ZCWPW2: variants seen among roughly 807,000 people sequenced by gnomAD.
ZCWPW2 encodes the protein zinc finger CW-type and PWWP domain containing 2, also known as zinc finger CW-type PWWP domain protein 2.
A neutral mutation model predicts 46.6 loss-of-function variants in ZCWPW2; 45 were observed. The observed-to-expected ratio is 0.96, with a 90% CI of 0.76 to 1.24. The LOEUF is 1.24. ZCWPW2 is among the 50% of genes most tolerant of loss of function. The pLI, the probability that ZCWPW2 is intolerant of heterozygous loss-of-function variation, is 0.00. For missense variants in ZCWPW2, 429 were observed against 403.9 expected, an observed-to-expected ratio of 1.06 and a Z score of -0.53; for synonymous variants, 152 against 137.1, an observed-to-expected ratio of 1.11 and a Z score of -0.76.
chr3:28,429,817 C>T (rs1422326117), intron 3 of ZCWPW2, among the ~76,000 whole-genome samples: 2 of 152,166 alleles, frequency 1.3e-5, no homozygotes, highest in African/African-American at 4.8e-5. Context: ...TCAAAGGGTA[C>T]AAGCCCCAAG....
At chr3:28,382,716 CTT>C (rs1266062624) in intron 1 of ZCWPW2, among the ~76,000 whole-genome samples, 2 of 152,080 alleles carry the variant, frequency 1.3e-5, no homozygotes, top group African/African-American at 4.8e-5. Context: ...GATACTGAGT[CTT>C]TGATAGGAAA....
intron 1 of ZCWPW2, among the ~76,000 whole-genome samples, chr3:28,387,910 A>G (rs1695335374): frequency 6.6e-6 from 1 of 152,140 alleles, no homozygotes; most frequent in Non-Finnish European, 1.5e-5. Flanking sequence ...TACCTTCTTC[A>G]TTAGTCAGGG....
At chr3:28,412,721 T>C (rs1229352597) in intron 2 of ZCWPW2, among the ~76,000 whole-genome samples, 1 of 152,064 alleles carries the variant, frequency 6.6e-6, no homozygotes. Flanking sequence ...GGCTTAGCTG[T>C]TATCATGGGA....
Position 28,432,007 on chromosome 3 carries a change from C to G in ZCWPW2, c.333-3103C>G, listed in dbSNP as rs146049502. Among the ~76,000 whole-genome samples the G allele has an allele frequency of 6.8e-3, 1,041 of 152,256 alleles. 10 individuals carry two copies. Among genetic ancestry groups the G allele is most frequent in the African/African-American group, 0.023 (944 of 41,542 alleles). On this transcript the variant is annotated intron_variant, in intron 3 of 9. Transcript: ENST00000383768. ...AAAGCCCCTTATAAAAGCATCAGAT[C>G]TCATGAGAACTCACTCACTATCACA...
At chr3:28,423,796 C>G (rs1312854108) in intron 3 of ZCWPW2, among the ~76,000 whole-genome samples, 1 of 152,082 alleles carries the variant, frequency 6.6e-6, no homozygotes, top group Non-Finnish European at 1.5e-5. Context: ...ACTTGCTGCA[C>G]TTTCCAGTAA....
At chr3:28,466,431 C>T (rs781676142) in intron 4 of ZCWPW2, among the ~76,000 whole-genome samples, 2 of 152,118 alleles carry the variant, frequency 1.3e-5, no homozygotes, top group Non-Finnish European at 2.9e-5. Flanking sequence ...ATAAATAATA[C>T]ACTGGTGTAA....
intron 1 of ZCWPW2, among the ~76,000 whole-genome samples, chr3:28,372,115 T>A (rs1705355689): frequency 6.6e-6 from 1 of 152,062 alleles, no homozygotes; most frequent in Non-Finnish European, 1.5e-5. Flanking sequence ...ATCTTGTTCT[T>A]GGCAGAATGG....
intron 1 of ZCWPW2, among the ~76,000 whole-genome samples, chr3:28,362,424 A>G (rs1437733657): frequency 6.6e-6 from 1 of 152,182 alleles, no homozygotes; most frequent in Non-Finnish European, 1.5e-5. Flanking sequence ...AAGGGCATGA[A>G]CAGACACTTT....
At chr3:28,355,032 G>T (rs997112675) in intron 1 of ZCWPW2, among the ~76,000 whole-genome samples, 1 of 150,484 alleles carries the variant, frequency 6.6e-6, no homozygotes, top group African/African-American at 2.5e-5. Flanking sequence ...GAAATAAAGG[G>T]TATTCAATTA....
At chr3:28,514,012 A>C (rs1435667418) in intron 6 of ZCWPW2, 52 bp from the exon 7 acceptor site, 1 of 1,397,326 alleles carries the variant, frequency 7.2e-7, no homozygotes, top group East Asian at 2.7e-5. Context: ...TATTTTACTG[A>C]GCTGATTTAG....
chr3:28,421,215 C>T (rs539961915), intron 3 of ZCWPW2, among the ~76,000 whole-genome samples: 2 of 152,160 alleles, frequency 1.3e-5, no homozygotes, highest in South Asian at 4.2e-4. Flanking sequence ...AGTTCAAGCT[C>T]CCCACTCACA....
intron 1 of ZCWPW2, among the ~76,000 whole-genome samples, chr3:28,351,827 A>T (rs1293350921): frequency 6.6e-6 from 1 of 152,020 alleles, no homozygotes. Flanking sequence ...TGTCAATACC[A>T]CTAAATTGAA....
At chr3:28,449,248 C>T (rs1698132439) in intron 4 of ZCWPW2, among the ~76,000 whole-genome samples, 1 of 152,066 alleles carries the variant, frequency 6.6e-6, no homozygotes, top group African/African-American at 2.4e-5. Context: ...CATAACAGAT[C>T]AAAGACCTAA....
At chr3:28,492,072 T>A in intron 5 of ZCWPW2, 55 bp from the exon 6 acceptor site, 1 of 1,530,076 alleles carries the variant, frequency 6.5e-7, no homozygotes, top group East Asian at 2.3e-5. Context: ...TCAGTATTTA[T>A]TTGAACAGGA....
At chr3:28,523,874 A>G (rs1700786133) in intron 9 of ZCWPW2, among the ~76,000 whole-genome samples, 1 of 152,142 alleles carries the variant, frequency 6.6e-6, no homozygotes, top group South Asian at 2.1e-4. Context: ...AGATTTTTAT[A>G]AATCCACCTG....
intron 1 of ZCWPW2, among the ~76,000 whole-genome samples, chr3:28,356,879 A>G (rs1314616337): frequency 6.6e-6 from 1 of 152,190 alleles, no homozygotes; most frequent in Non-Finnish European, 1.5e-5. Flanking sequence ...GGGGAAGGAT[A>G]GCATTAGGAG....
At chr3:28,479,159 T>A (rs1205492938) in intron 5 of ZCWPW2, among the ~76,000 whole-genome samples, 1 of 152,224 alleles carries the variant, frequency 6.6e-6, no homozygotes, top group Non-Finnish European at 1.5e-5. Context: ...GCAGGAGTTC[T>A]TGTTAGCACT....
At chr3:28,434,222 C>G (rs1299167178) in intron 3 of ZCWPW2, among the ~76,000 whole-genome samples, 1 of 152,026 alleles carries the variant, frequency 6.6e-6, no homozygotes, top group Non-Finnish European at 1.5e-5. Context: ...TGGGTTTTCT[C>G]ACTTCAGAGG....
chr3:28,423,753 C>G (rs1181767616), intron 3 of ZCWPW2, among the ~76,000 whole-genome samples: 1 of 152,066 alleles, frequency 6.6e-6, no homozygotes, highest in East Asian at 1.9e-4. Flanking sequence ...TGTTGCAATC[C>G]ACCTCACAGT....
Sources: allele counts gnomAD v4.1 joint callset (sites outside exome capture counted in the v4.1 genomes callset), GRCh38; gene constraint gnomAD v4.1.1; transcripts MANE v1.5; gene names NCBI Gene and HGNC (gene_info 2026-07-23, HGNC 2026-07-21).